MAGI2: variants seen among roughly 807,000 people sequenced by gnomAD.
MAGI2 encodes membrane-associated guanylate kinase, WW and PDZ domain-containing protein 2.
In MAGI2, 35 loss-of-function variants were observed where a neutral mutation model predicts 133.3. The ratio of observed to expected loss-of-function variants is 0.26; its 90% CI spans 0.20 to 0.35. MAGI2 has a LOEUF of 0.35. Ranked by LOEUF, MAGI2 falls within the 10% of genes least tolerant of loss-of-function variation. The probability of loss-of-function intolerance (pLI) is 1.00; values close to 1 mark genes in which losing one functional copy is unlikely to be tolerated. For synonymous variants in MAGI2, 729 were observed against 710.6 expected (o/e 1.03, Z -0.41); for missense variants, 1,636 against 1,863.4 (o/e 0.88, Z 2.25).
At chr7:78,551,771 G>A (rs960679173) in intron 3 of MAGI2, among the ~76,000 whole-genome samples, 2 of 152,174 alleles carry the variant, frequency 1.3e-5, no homozygotes, top group Admixed American at 6.5e-5. Flanking sequence ...TTCAGAGGGT[G>A]TCTTGCTTTG....
At chr7:79,238,466 A>G (rs1444017630) in intron 1 of MAGI2, among the ~76,000 whole-genome samples, 2 of 152,138 alleles carry the variant, frequency 1.3e-5, no homozygotes, top group Non-Finnish European at 2.9e-5. Flanking sequence ...ATAAACTAGT[A>G]TTATGGCAGG....
chr7:79,238,429 G>A (rs1434147270), intron 1 of MAGI2, among the ~76,000 whole-genome samples: 2 of 151,872 alleles, frequency 1.3e-5, no homozygotes, highest in East Asian at 1.9e-4. Flanking sequence ...TTGACCCTTT[G>A]TATTTTCTTC....
chr7:78,337,984 G>A (rs1207656269), intron 9 of MAGI2, among the ~76,000 whole-genome samples: 1 of 152,180 alleles, frequency 6.6e-6, no homozygotes, highest in Non-Finnish European at 1.5e-5. Context: ...CCAGGAGCAT[G>A]TAAGTAAAAC....
chr7:78,297,542 C>T (rs901469171), intron 9 of MAGI2, among the ~76,000 whole-genome samples: 88 of 148,986 alleles, frequency 5.9e-4, no homozygotes, highest in Admixed American at 4.1e-3. Flanking sequence ...ATGTTTATTG[C>T]GGCATTATTC....
chr7:78,346,085 G>A, intron 7 of MAGI2, 42 bp from the exon 8 acceptor site: 4 of 1,610,810 alleles, frequency 2.5e-6, no homozygotes, highest in Non-Finnish European at 3.4e-6. Flanking sequence ...GTGGGGCAAA[G>A]TTATTTAAAA....
intron 19 of MAGI2, 145 bp from the exon 20 acceptor site, chr7:78,125,982 A>T: frequency 2.4e-6 from 2 of 840,442 alleles, no homozygotes; most frequent in Non-Finnish European, 1.8e-6. Context: ...CTGGCTTCAT[A>T]AACTACCCAA....
At chr7:78,539,093 C>G (rs1328361555) in intron 3 of MAGI2, among the ~76,000 whole-genome samples, 3 of 152,142 alleles carry the variant, frequency 2.0e-5, no homozygotes, top group Non-Finnish European at 2.9e-5. Context: ...TTGTCATGTT[C>G]CAGTTCTCAG....
chr7:78,162,380 C>G (rs1356924314), intron 15 of MAGI2, among the ~76,000 whole-genome samples: 2 of 149,758 alleles, frequency 1.3e-5, no homozygotes, highest in East Asian at 3.9e-4. Context: ...AAAAATTTAG[C>G]TGGGCGCAGT....
At chr7:78,683,023 G>A (rs944056419) in intron 2 of MAGI2, among the ~76,000 whole-genome samples, 2 of 152,166 alleles carry the variant, frequency 1.3e-5, no homozygotes, top group Non-Finnish European at 2.9e-5. Context: ...AATCTAGCTT[G>A]TAATAAATCC....
At chr7:78,482,082 CAA>C (rs1437403476) in intron 6 of MAGI2, among the ~76,000 whole-genome samples, 86 of 151,868 alleles carry the variant, frequency 5.7e-4, no homozygotes, top group Non-Finnish European at 1.5e-5. Context: ...AAACAACTGG[CAA>C]AAGACATGAT....
intron 6 of MAGI2, among the ~76,000 whole-genome samples, chr7:78,453,544 C>T (rs575985473): frequency 6.6e-6 from 1 of 152,112 alleles, no homozygotes; most frequent in African/African-American, 2.4e-5. Flanking sequence ...TGTATGTGCC[C>T]TCAGGTGAGC....
intron 1 of MAGI2, among the ~76,000 whole-genome samples, chr7:79,389,226 T>C (rs1297963677): frequency 6.6e-6 from 1 of 152,050 alleles, no homozygotes; most frequent in African/African-American, 2.4e-5. Flanking sequence ...CATTGACAGA[T>C]ATCAAGGACA....
intron 5 of MAGI2, among the ~76,000 whole-genome samples, chr7:78,493,501 C>T (rs1793809280): frequency 6.6e-6 from 1 of 152,094 alleles, no homozygotes; most frequent in African/African-American, 2.4e-5. Flanking sequence ...TTATGAATTC[C>T]ATTTTATAGA....
At chr7:78,858,893 A>C (rs1793898751) in intron 2 of MAGI2, among the ~76,000 whole-genome samples, 3 of 152,102 alleles carry the variant, frequency 2.0e-5, no homozygotes, top group Admixed American at 2.0e-4. Flanking sequence ...TAGGTCTCTA[A>C]GGACTTGCTT....
chr7:78,674,570 T>G (rs321980), intron 2 of MAGI2, among the ~76,000 whole-genome samples: 29,058 of 152,142 alleles, frequency 0.19, 3,041 homozygotes, highest in East Asian at 0.4. Context: ...TTTGTCTACC[T>G]CATTTATTAA....
At chr7:79,216,843 T>C (rs1262453902) in intron 1 of MAGI2, among the ~76,000 whole-genome samples, 5 of 152,232 alleles carry the variant, frequency 3.3e-5, no homozygotes, top group Admixed American at 2.6e-4. Context: ...ACAATTAATT[T>C]GTTTACATCC....
chr7:78,594,852 G>C (rs993514781), intron 3 of MAGI2, among the ~76,000 whole-genome samples: 2 of 152,126 alleles, frequency 1.3e-5, no homozygotes, highest in Admixed American at 6.6e-5. Context: ...TAGGAAACAA[G>C]GGTAATCACC....
Position 78,767,572 on chromosome 7 carries a change from GAA to G in MAGI2, c.419-140335_419-140334del, listed in dbSNP as rs771939121. Among the ~76,000 whole-genome samples the G allele has an allele frequency of 2.6e-5, 4 of 152,096 alleles. No individual in the cohort carries two copies. The East Asian group carries it at 5.8e-4, about 22-fold the overall frequency. ...TCACCTAATAAGGCTTTTAAAAATT[GAA>G]AAGAGAGTTTAAGGTAGTAGGGTTC... On this transcript the variant is annotated intron_variant, in intron 2 of 21. Coordinates refer to ENST00000354212, the MANE Select transcript of MAGI2 (RefSeq NM_012301.4).
At chr7:79,312,480 C>A (rs1838362046) in intron 1 of MAGI2, among the ~76,000 whole-genome samples, 1 of 152,166 alleles carries the variant, frequency 6.6e-6, no homozygotes, top group Non-Finnish European at 1.5e-5. Context: ...GTCACCCCTT[C>A]AATCAGTCTT....
Sources: allele counts gnomAD v4.1 joint callset (sites outside exome capture counted in the v4.1 genomes callset), GRCh38; gene constraint gnomAD v4.1.1; transcripts MANE v1.5; gene names NCBI Gene and HGNC (gene_info 2026-07-23, HGNC 2026-07-21).